The following CCDC24 variants were observed in gnomAD, a reference collection of about 807,000 sequenced individuals.
CCDC24 encodes the protein coiled-coil domain-containing protein 24.
A neutral mutation model predicts 31.6 loss-of-function variants in CCDC24; 34 were observed. The ratio of observed to expected loss-of-function variants is 1.08; its 90% CI spans 0.82 to 1.43. The LOEUF (loss-of-function observed/expected upper bound fraction) is 1.43, where lower values mean the gene tolerates loss of function less well. Ranked by LOEUF, CCDC24 falls within the 40% of genes most tolerant of loss-of-function variation. The pLI is 0.00. For missense variants in CCDC24, 426 were observed against 391.1 expected, an observed-to-expected ratio of 1.09 and a Z score of -0.75; for synonymous variants, 175 against 157.3, an observed-to-expected ratio of 1.11 and a Z score of -0.84.
chr1:43,992,437 G>A, intron 3 of CCDC24, 50 bp downstream of exon 3: 1 of 1,612,756 alleles, frequency 6.2e-7, no homozygotes, highest in South Asian at 1.1e-5. Flanking sequence ...GTGGGCTAGC[G>A]CTGCCCCTAA....
At chr1:43,993,755 C>T in intron 4 of CCDC24, 132 bp from the exon 5 acceptor site, 4 of 788,512 alleles carry the variant, frequency 5.1e-6, no homozygotes, top group Non-Finnish European at 8.3e-6. Flanking sequence ...AACCTAGGCT[C>T]CCAAACTCTT....
At chr1:43,991,769 G>A (rs1171524434) in intron 1 of CCDC24, 23 bp downstream of exon 1, 3 of 1,373,934 alleles carry the variant, frequency 2.2e-6, no homozygotes, top group Non-Finnish European at 3.0e-6. Flanking sequence ...AGAGGGCGGG[G>A]CCCATAGAGG....
rs2085783913 is a variant in CCDC24, at chr1:43,993,752, G to A, written c.420-135G>A. On this transcript the variant is annotated intron_variant, in intron 4 of 8. Transcript: ENST00000372318. ...TGGCAGAGCTCATTTGCAAACCTAGGCTCCCAAACTCTTACTCTTTGCACT... is the reference window on the plus strand; with the variant it reads ...TGGCAGAGCTCATTTGCAAACCTAGACTCCCAAACTCTTACTCTTTGCACT... 8.1e-6 allele frequency: 6 copies of A among 743,120 alleles called. No homozygotes were observed. In the South Asian group the frequency reaches 1.1e-4, roughly 14 times the overall value. 46.0% of individuals were successfully genotyped at this position (743,120 alleles called of 1,614,324 possible).
At position 43,995,492 on chromosome 1, in the gene CCDC24, G is replaced by C. The variant is rs561459075; in HGVS notation, c.553-109G>C. 1.9e-5 allele frequency: 23 copies of C among 1,230,182 alleles called. No individual in the cohort carries two copies. In the South Asian group the frequency reaches 3.6e-4, roughly 19 times the overall value. The allele number at this position is 1,230,182 out of a possible 1,614,324, so 76.2% of individuals were successfully genotyped here. ...TGGGGAACGTGGCTGCCCTCACGGT[G>C]GATGGGCTGAAGGGGCTGCACGGGC... On this transcript the variant is annotated intron_variant, in intron 6 of 8. Transcript: ENST00000372318. The surrounding 1 kb of genome is among the most constrained non-coding windows in gnomAD (Gnocchi z 4.3).
Position 43,991,754 on chromosome 1 carries a change from T to G in CCDC24, c.-33+8T>G. The stretch of plus-strand genomic sequence containing the variant: ...ACCAGCGGCAGAGCACGGGTGGGGC[T>G]TGGGAGAGGGCGGGGCCCATAGAGG... On this transcript the variant is annotated splice_region_variant and intron_variant, in intron 1 of 8. Transcript: ENST00000372318. 7.9e-7 allele frequency: 1 copy of G among 1,265,356 alleles called. No individual in the cohort carries two copies. The highest frequency in any genetic ancestry group is 1.5e-5 in the African/African-American group (1 of 67,772). 78.4% of individuals were successfully genotyped at this position (1,265,356 alleles called of 1,614,324 possible). A position where few individuals can be genotyped will look rare whatever the true frequency, so the allele number is the denominator to read the frequency against.
At chr1:43,992,770 G>A (rs1275687877) in intron 4 of CCDC24, 131 bp downstream of exon 4, 5 of 801,716 alleles carry the variant, frequency 6.2e-6, no homozygotes, top group Non-Finnish European at 1.1e-5. Flanking sequence ...ACTTGTGATA[G>A]AGATTATCAG....
In CCDC24 at chr1:43,996,444, CTT is replaced by C. The variant is rs2085861884; in HGVS notation, c.*285_*286del. On this transcript the variant is annotated 3_prime_UTR_variant, in exon 9 of 9. Transcript: ENST00000372318. ...ACAGAGGTCTCATTCCAGCCTGACT[CTT>C]GTCCCCTGGGGGACCCAGACAAAGC... 1 of 413,194 alleles carries C rather than the reference CTT, an allele frequency of 2.4e-6. No homozygotes were observed. The highest frequency in any genetic ancestry group is 4.1e-5 in the Admixed American group (1 of 24,450). 25.6% of individuals were successfully genotyped at this position (413,194 alleles called of 1,614,324 possible). A position where few individuals can be genotyped will look rare whatever the true frequency, so the allele number is the denominator to read the frequency against.
At position 43,991,670 on chromosome 1, in the gene CCDC24, C is replaced by A. The variant is rs537811182; in HGVS notation, c.-109C>A. ...CCCGGCATCCGAGTCGGCCAAAAGC[C>A]GGGCAGAAGAGAGCGCCAAGGACTG... On this transcript the variant is annotated 5_prime_UTR_variant, in exon 1 of 9. Transcript: ENST00000372318. 1.3e-6 allele frequency: 1 copy of A among 745,906 alleles called. No individual in the cohort carries two copies. The highest frequency in any genetic ancestry group is 2.4e-6 in the Non-Finnish European group (1 of 424,750). 46.2% of individuals were successfully genotyped at this position (745,906 alleles called of 1,614,324 possible).
At chr1:43,992,687 C>A in intron 4 of CCDC24, 48 bp downstream of exon 4, 1 of 1,564,022 alleles carries the variant, frequency 6.4e-7, no homozygotes, top group Non-Finnish European at 8.8e-7. Context: ...TGGCAGAGGG[C>A]CCTAGCCCAC....
chr1:43,991,826 A>C, intron 1 of CCDC24, 21 bp from the exon 2 acceptor site: 1 of 1,543,208 alleles, frequency 6.5e-7, no homozygotes, highest in Admixed American at 2.0e-5. Flanking sequence ...TACCTCCCGC[A>C]CTCTGACCTG....
intron 1 of CCDC24, 41 bp from the exon 2 acceptor site, chr1:43,991,806 G>A (rs1044230473): frequency 2.6e-6 from 4 of 1,533,604 alleles, no homozygotes; most frequent in Non-Finnish European, 3.5e-6. Flanking sequence ...CGTTGCCGGC[G>A]GGCCCGCGGT....
Position 43,995,124 on chromosome 1 carries a change from G to C in CCDC24, c.514G>C (p.Glu172Gln). 1 of 1,583,236 alleles carries C rather than the reference G, an allele frequency of 6.3e-7. No individual in the cohort carries two copies. The highest frequency in any genetic ancestry group is 1.3e-5 in the African/African-American group (1 of 74,360). The change falls in exon 6 of 9, where the codon GAG (glutamate) becomes CAG (glutamine). Residue 172 changes from glutamate (E) to glutamine (Q), a missense_variant. Transcript: ENST00000372318. This position sits in a 1 kb window ranked among gnomAD's most constrained non-coding sequence, Gnocchi z 4.3. Reference protein sequence around the residue: ...ARHLRGLLEEECHTLEREILI... With the variant: ...ARHLRGLLEEQCHTLEREILI... ...ATGTCCCAGGGGCCTTCTGGAGGAG[G>C]AGTGTCACACCTTGGAGAGGGAGAT...
At position 43,996,093 on chromosome 1, in the gene CCDC24, A is replaced by G. The variant is rs565152417; in HGVS notation, c.857A>G (p.Gln286Arg). ...ACCCACCGCTGGGGACGGCAGCTTC[A>G]GTGCAGCCCCAGGGAAGGGCCAGCT... is the stretch of plus-strand genomic sequence containing the variant. ...SATHRWGRQL[Q>R]CSPREGPAST... The change falls in exon 9 of 9, where the codon CAG becomes CGG. Residue 286 changes from glutamine to arginine, a missense_variant. Transcript: ENST00000372318. 2.5e-6 allele frequency: 4 copies of G among 1,613,906 alleles called. No homozygotes were observed. The South Asian group carries it at 3.3e-5, about 13-fold the overall frequency.
intron 4 of CCDC24, among the ~76,000 whole-genome samples, chr1:43,993,522 C>T (rs1376126947): frequency 2.0e-5 from 3 of 151,842 alleles, no homozygotes; most frequent in Non-Finnish European, 4.4e-5. Context: ...TGGCACGCAC[C>T]TGTAGTCCCA....
In CCDC24 at chr1:43,991,941, A is replaced by G; in HGVS notation, c.63A>G (p.Arg21=). Residue 21 remains arginine, a synonymous_variant, in exon 2 of 9, where the codon CGA becomes CGG. Coordinates refer to ENST00000372318, the MANE Select transcript of CCDC24 (RefSeq NM_152499.4). ...LVEEHVPLRE[R]REVKRILGEA... ...AGGAGCACGTTCCGCTCCGGGAGCG[A>G]CGCGAAGTGAAGAGGATTCTGGGGG... The G allele has an allele frequency of 6.5e-7, 1 of 1,541,208 alleles. No homozygotes were observed. The highest frequency in any genetic ancestry group is 1.2e-5 in the South Asian group (1 of 83,476).
rs188367700 is a variant in CCDC24, at chr1:43,995,474, C to T, written c.553-127C>T. 63 of 1,024,220 alleles carry T rather than the reference C, an allele frequency of 6.2e-5. No homozygotes were observed. The Admixed American group carries it at 8.4e-4, about 14-fold the overall frequency. The allele number at this position is 1,024,220 out of a possible 1,614,324, so 63.4% of individuals were successfully genotyped here. On this transcript the variant is annotated intron_variant, in intron 6 of 8. Coordinates refer to ENST00000372318, the MANE Select transcript of CCDC24 (RefSeq NM_152499.4). This position sits in a 1 kb window ranked among gnomAD's most constrained non-coding sequence, Gnocchi z 4.3. The stretch of plus-strand genomic sequence containing the variant: ...CGCAAGGCTGGTATTCCCTGGGGAA[C>T]GTGGCTGCCCTCACGGTGGATGGGC...
In CCDC24 at chr1:43,992,199, G is replaced by C. The variant is rs886342252; in HGVS notation, c.127-13G>C. ...CCCTCCCCAGTCGCAAGGTATCCCA[G>C]CTCTCCTTGCAGGTGGCGATGTTAC... On this transcript the variant is annotated splice_polypyrimidine_tract_variant and intron_variant, in intron 2 of 8. Transcript: ENST00000372318. The C allele has an allele frequency of 5.0e-6, 8 of 1,606,536 alleles. No homozygotes were observed. Among genetic ancestry groups the C allele is most frequent in the Non-Finnish European group, 6.8e-6 (8 of 1,175,518 alleles).
intron 5 of CCDC24, 103 bp downstream of exon 5, chr1:43,994,067 G>A (rs920345702): frequency 8.5e-5 from 88 of 1,039,822 alleles, no homozygotes; most frequent in Admixed American, 4.9e-4. Flanking sequence ...TATACTTGGC[G>A]GGGAGGCCCA....
rs72890661 is a variant in CCDC24, at chr1:43,991,797, G to A, written c.-32-50G>A. On this transcript the variant is annotated intron_variant, in intron 1 of 8. Coordinates refer to ENST00000372318, the MANE Select transcript of CCDC24 (RefSeq NM_152499.4). Reference sequence around the variant, plus strand: ...CATAGAGGGGCGGGGTTTGGTGAGCGTTGCCGGCGGGCCCGCGGTACCTCC... The same window carrying A: ...CATAGAGGGGCGGGGTTTGGTGAGCATTGCCGGCGGGCCCGCGGTACCTCC... The A allele has an allele frequency of 8.5e-3, 12,926 of 1,522,040 alleles. 904 individuals are homozygous for A. In the African/African-American group the frequency reaches 0.16, roughly 19 times the overall value. 94.3% of individuals were successfully genotyped at this position (1,522,040 alleles called of 1,614,324 possible).
Sources: allele counts gnomAD v4.1 joint callset (sites outside exome capture counted in the v4.1 genomes callset), GRCh38; gene constraint gnomAD v4.1.1; non-coding constraint Gnocchi (gnomAD v3.1); transcripts MANE v1.5; gene names NCBI Gene and HGNC (gene_info 2026-07-23, HGNC 2026-07-21).